The following SLC16A12 variants were observed in gnomAD, a reference collection of about 807,000 sequenced individuals.
The protein encoded by SLC16A12 is monocarboxylate transporter 12.
In SLC16A12, 17 loss-of-function variants were observed where a neutral mutation model predicts 42.4. The observed-to-expected ratio is 0.40, with a 90% confidence interval of 0.27 to 0.60. The LOEUF (loss-of-function observed/expected upper bound fraction) is 0.60. Among genes scored for constraint, SLC16A12 ranks in the 20% least tolerant of loss-of-function variants. SLC16A12 has a pLI of 0.42. For missense variants in SLC16A12, 544 were observed against 623.0 expected (o/e 0.87, Z 1.35); for synonymous variants, 224 against 229.4 (o/e 0.98, Z 0.21).
intron 2 of SLC16A12, among the ~76,000 whole-genome samples, chr10:89,525,450 CT>C (rs1334062090): frequency 6.6e-6 from 1 of 151,906 alleles, no homozygotes; most frequent in African/African-American, 2.4e-5. Context: ...TAAATTTGAT[CT>C]TTTTTTGGAT....
intron 2 of SLC16A12, among the ~76,000 whole-genome samples, chr10:89,485,729 C>A (rs1290344600): frequency 1.3e-5 from 2 of 152,070 alleles, no homozygotes; most frequent in Non-Finnish European, 2.9e-5. Context: ...TGAGTCAGGG[C>A]AAAGAAGCCC....
intron 2 of SLC16A12, among the ~76,000 whole-genome samples, chr10:89,503,216 TTC>T (rs1843013530): frequency 6.6e-6 from 1 of 152,260 alleles, no homozygotes. Context: ...CACGTTATTT[TTC>T]TTTTACATTA....
chr10:89,549,953 T>C (rs555975154), intron 2 of SLC16A12, among the ~76,000 whole-genome samples: 1 of 152,280 alleles, frequency 6.6e-6, no homozygotes, highest in Non-Finnish European at 1.5e-5. Context: ...AGCAGAGAAC[T>C]CTACTTTATG....
In SLC16A12 at chr10:89,505,458, G is replaced by T. The variant is rs556178608; in HGVS notation, c.-47+29043C>A. 1.1e-3 allele frequency among the ~76,000 whole-genome samples: 165 copies of T among 152,126 alleles called. 3 individuals are homozygous for T. Among genetic ancestry groups the T allele is most frequent in the African/African-American group, 2.8e-3 (116 of 41,530 alleles). ...AAAACAAAAAAAAACAAGAATTCCA[G>T]CAAGATGGCTGAATAGGAACAGCTC... On this transcript the variant is annotated intron_variant, in intron 2 of 7. Transcript: ENST00000371790.
At chr10:89,547,735 G>T (rs1306118293) in intron 2 of SLC16A12, among the ~76,000 whole-genome samples, 1 of 152,128 alleles carries the variant, frequency 6.6e-6, no homozygotes, top group African/African-American at 2.4e-5. Flanking sequence ...AGTGGCTCAT[G>T]CCTGTAATCC....
intron 2 of SLC16A12, among the ~76,000 whole-genome samples, chr10:89,510,261 G>A (rs1389370593): frequency 6.6e-6 from 1 of 152,134 alleles, no homozygotes; most frequent in African/African-American, 2.4e-5. Context: ...AACCATAAAA[G>A]AGCCTGCATA....
intron 2 of SLC16A12, among the ~76,000 whole-genome samples, chr10:89,501,634 C>T (rs559885205): frequency 3.4e-4 from 51 of 152,192 alleles, no homozygotes; most frequent in African/African-American, 1.2e-3. Context: ...GCCTGTAGTC[C>T]CAGCTACTCA....
intron 2 of SLC16A12, among the ~76,000 whole-genome samples, chr10:89,527,911 C>G (rs1843482238): frequency 6.6e-6 from 1 of 152,098 alleles, no homozygotes; most frequent in Non-Finnish European, 1.5e-5. Context: ...CACCTCACCA[C>G]ATTTTCTCAA....
chr10:89,483,754 C>A (rs112450649), intron 2 of SLC16A12, among the ~76,000 whole-genome samples: 10,828 of 99,734 alleles, frequency 0.11, 549 homozygotes, highest in East Asian at 0.24. Flanking sequence ...AAAAAAAAAA[C>A]AAAAAAAAAA....
At chr10:89,471,056 T>C (rs1794690271) in intron 2 of SLC16A12, among the ~76,000 whole-genome samples, 1 of 152,204 alleles carries the variant, frequency 6.6e-6, no homozygotes, top group Admixed American at 6.5e-5. Context: ...AGAAAGCTGA[T>C]CTTAGATGAA....
intron 3 of SLC16A12, among the ~76,000 whole-genome samples, chr10:89,462,115 T>C (rs558245780): frequency 2.6e-5 from 4 of 152,208 alleles, no homozygotes; most frequent in Admixed American, 2.6e-4. Flanking sequence ...GAGAATCACA[T>C]ACTTTGCAAA....
intron 2 of SLC16A12, among the ~76,000 whole-genome samples, chr10:89,488,476 T>C (rs61443363): frequency 0.013 from 2,054 of 152,266 alleles, 51 homozygotes; most frequent in African/African-American, 0.046. Context: ...CTGAATTAAT[T>C]CCATGCCTAT....
chr10:89,552,056 C>G (rs1253730489), intron 2 of SLC16A12, among the ~76,000 whole-genome samples: 2 of 152,178 alleles, frequency 1.3e-5, no homozygotes, highest in African/African-American at 4.8e-5. Context: ...CTGCCTCAGC[C>G]TCCTGAGTAG....
intron 2 of SLC16A12, among the ~76,000 whole-genome samples, chr10:89,511,952 C>T (rs1427991677): frequency 6.6e-6 from 1 of 152,074 alleles, no homozygotes; most frequent in Non-Finnish European, 1.5e-5. Context: ...AAATGTGGCA[C>T]ATAATGGATT....
chr10:89,522,026 G>C (rs1278649187), intron 2 of SLC16A12, among the ~76,000 whole-genome samples: 1 of 152,166 alleles, frequency 6.6e-6, no homozygotes, highest in Admixed American at 6.5e-5. Flanking sequence ...CCTCCAATGA[G>C]AGGCAGGGCC....
At chr10:89,445,695 TCTC>T (rs961473111) in intron 3 of SLC16A12, among the ~76,000 whole-genome samples, 1 of 152,122 alleles carries the variant, frequency 6.6e-6, no homozygotes, top group Non-Finnish European at 1.5e-5. Flanking sequence ...GAGCACTTCT[TCTC>T]CTCCAAAGGA....
At chr10:89,515,823 A>G (rs7087280) in intron 2 of SLC16A12, among the ~76,000 whole-genome samples, 74,648 of 151,930 alleles carry the variant, frequency 0.49, 18,529 homozygotes, top group South Asian at 0.67. Flanking sequence ...AATCAGTACC[A>G]TAACAGGAGA....
chr10:89,434,735 A>G (rs1469067312), intron 7 of SLC16A12, among the ~76,000 whole-genome samples: 1 of 152,222 alleles, frequency 6.6e-6, no homozygotes, highest in East Asian at 1.9e-4. Flanking sequence ...TCTTCAGAGA[A>G]CTTGTTCACT....
chr10:89,502,764 T>G (rs1360429530), intron 2 of SLC16A12, among the ~76,000 whole-genome samples: 1 of 152,216 alleles, frequency 6.6e-6, no homozygotes, highest in African/African-American at 2.4e-5. Flanking sequence ...ATCATATTGG[T>G]TGTCAGAGAT....
Sources: gnomAD v4.1 joint callset for allele counts (sites outside exome capture counted in the v4.1 genomes callset) on GRCh38, gnomAD v4.1.1 for gene constraint, MANE v1.5 for transcripts, NCBI Gene and HGNC (gene_info 2026-07-23, HGNC 2026-07-21) for gene names.